Variants in PRKAR1B observed in about 807,000 individuals in gnomAD.
The protein encoded by PRKAR1B is cAMP-dependent protein kinase type I-beta regulatory subunit.
In PRKAR1B, 22 loss-of-function variants were observed where a neutral mutation model predicts 46.5. The ratio of observed to expected loss-of-function variants is 0.47; its 90% CI spans 0.34 to 0.68. The LOEUF (loss-of-function observed/expected upper bound fraction) is 0.68. Ranked by LOEUF, PRKAR1B falls within the 30% of genes least tolerant of loss-of-function variation. The probability of loss-of-function intolerance (pLI) is 0.01; values close to 1 mark genes in which losing one functional copy is unlikely to be tolerated. For synonymous variants in PRKAR1B, 259 were observed against 217.7 expected, an observed-to-expected ratio of 1.19 and a Z score of -1.67; for missense variants, 445 against 535.6, an observed-to-expected ratio of 0.83 and a Z score of 1.67.
At chr7:682,173 A>G (rs1778722934) in intron 2 of PRKAR1B, among the ~76,000 whole-genome samples, 1 of 152,166 alleles carries the variant, frequency 6.6e-6, no homozygotes, top group Non-Finnish European at 1.5e-5. Flanking sequence ...GGTAGCTCAC[A>G]GGGACCACAG....
intron 4 of PRKAR1B, among the ~76,000 whole-genome samples, chr7:655,080 A>G (rs868144195): frequency 6.6e-6 from 1 of 151,966 alleles, no homozygotes; most frequent in Non-Finnish European, 1.5e-5. Flanking sequence ...TAGCAAAACA[A>G]CCTCTTAACT....
At chr7:686,144 C>A (rs1372608326) in intron 2 of PRKAR1B, among the ~76,000 whole-genome samples, 3 of 151,696 alleles carry the variant, frequency 2.0e-5, no homozygotes, top group Non-Finnish European at 4.4e-5. Flanking sequence ...ACTAAAAATA[C>A]AAAAAAATTA....
intron 8 of PRKAR1B, among the ~76,000 whole-genome samples, chr7:581,410 T>G (rs1236846108): frequency 1.3e-5 from 2 of 151,806 alleles, no homozygotes; most frequent in Non-Finnish European, 2.9e-5. Context: ...CACCTGACAA[T>G]TAAATGATGC....
intron 4 of PRKAR1B, among the ~76,000 whole-genome samples, chr7:610,824 G>C (rs563906496): frequency 1.3e-5 from 2 of 152,250 alleles, no homozygotes; most frequent in African/African-American, 4.8e-5. Flanking sequence ...GGAAGGTTAC[G>C]TGAAGCTGCT....
chr7:688,526 C>T (rs1779229538), intron 2 of PRKAR1B, among the ~76,000 whole-genome samples: 1 of 152,304 alleles, frequency 6.6e-6, no homozygotes, highest in South Asian at 2.1e-4. Context: ...CGTGATCTGC[C>T]CTCAGCCCCA....
chr7:680,389 C>T (rs764033795), intron 3 of PRKAR1B, among the ~76,000 whole-genome samples, 167 bp downstream of exon 3: 1 of 152,142 alleles, frequency 6.6e-6, no homozygotes, highest in Admixed American at 6.5e-5. Flanking sequence ...GCAAACCAAG[C>T]CCACCCAGAA....
At chr7:695,188 G>T (rs963512867) in intron 2 of PRKAR1B, among the ~76,000 whole-genome samples, 1 of 152,184 alleles carries the variant, frequency 6.6e-6, no homozygotes, top group Admixed American at 6.5e-5. Context: ...TCTGTGATCG[G>T]CAGGTGCAGG....
intron 4 of PRKAR1B, among the ~76,000 whole-genome samples, chr7:624,708 G>A (rs1173077444): frequency 1.3e-5 from 2 of 152,152 alleles, no homozygotes; most frequent in African/African-American, 4.8e-5. Context: ...TTTAAAAATG[G>A]GTCATAAGGC....
intron 4 of PRKAR1B, among the ~76,000 whole-genome samples, chr7:661,458 C>T (rs1386160282): frequency 3.8e-5 from 4 of 106,284 alleles, no homozygotes; most frequent in Non-Finnish European, 5.7e-5. Flanking sequence ...CTCTCCCCCC[C>T]ATGGCACAGT....
chr7:646,012 G>A (rs1042176194), intron 4 of PRKAR1B, among the ~76,000 whole-genome samples: 8 of 152,142 alleles, frequency 5.3e-5, no homozygotes, highest in African/African-American at 1.4e-4. Context: ...CGGCTCCTTC[G>A]TCACCAACAT....
In PRKAR1B at chr7:680,769, C is replaced by T. The variant is rs773296621; in HGVS notation, c.178-43G>A. 2.5e-6 allele frequency: 4 copies of T among 1,610,866 alleles called. No homozygotes were observed. In the Admixed American group the frequency reaches 5.0e-5, roughly 20 times the overall value. On this transcript the variant is annotated intron_variant, in intron 2 of 10. Transcript: ENST00000537384. The stretch of plus-strand genomic sequence containing the variant: ...ACACAGAAAGGAAGTAAGAACCTGG[C>T]TGTCCCGGCCAGGCACAGGGCCCAT...
rs1483648740 is a variant in PRKAR1B, at chr7:549,784, T to C, written c.*646A>G. The stretch of plus-strand genomic sequence containing the variant: ...TCCCAAGGCAGGAGCCCCGTGTGTC[T>C]TGGCGCCCGGCTTCCTCTCCAATTA... On this transcript the variant is annotated 3_prime_UTR_variant, in exon 11 of 11. Transcript: ENST00000537384. The C allele has an allele frequency of 6.6e-6, 1 of 152,560 alleles. No homozygotes were observed. The highest frequency in any genetic ancestry group is 2.4e-5 in the African/African-American group (1 of 41,426). 9.5% of individuals were successfully genotyped at this position (152,560 alleles called of 1,614,324 possible). A position where few individuals can be genotyped will look rare whatever the true frequency, so the allele number is the denominator to read the frequency against.
intron 4 of PRKAR1B, among the ~76,000 whole-genome samples, chr7:674,420 A>C (rs1010028302): frequency 6.6e-5 from 10 of 151,742 alleles, no homozygotes; most frequent in African/African-American, 2.4e-4. Context: ...ATGTATACCT[A>C]GCTACTCTAG....
At position 602,230 on chromosome 7, in the gene PRKAR1B, G is replaced by A. The variant is rs951776986; in HGVS notation, c.549+3963C>T. On this transcript the variant is annotated intron_variant, in intron 6 of 10. Coordinates refer to ENST00000537384, the MANE Select transcript of PRKAR1B (RefSeq NM_001164760.2). The surrounding 1 kb of genome is among the most constrained non-coding windows in gnomAD (Gnocchi z 6.4). The stretch of plus-strand genomic sequence containing the variant: ...ACGGTCCCTGCTTTGAAGTGGCTCC[G>A]GCACCGGCCTCTCCCACCACCCTGT... Among the ~76,000 whole-genome samples, 10 of 152,222 alleles carry A rather than the reference G, an allele frequency of 6.6e-5. No individual in the cohort carries two copies. Among genetic ancestry groups the A allele is most frequent in the East Asian group, 5.8e-4 (3 of 5,156 alleles).
intron 1 of PRKAR1B, among the ~76,000 whole-genome samples, chr7:721,374 C>T (rs1006519406): frequency 3.3e-5 from 5 of 152,156 alleles, no homozygotes; most frequent in East Asian, 1.9e-4. Context: ...GGGCCGGGCA[C>T]GGTGGCTCAC....
intron 4 of PRKAR1B, among the ~76,000 whole-genome samples, chr7:637,935 G>A (rs1283288329): frequency 2.0e-5 from 3 of 152,234 alleles, no homozygotes; most frequent in Non-Finnish European, 2.9e-5. Context: ...GGGCAGCTCC[G>A]TGTGGACGCC....
chr7:673,634 G>A (rs1786413290), intron 4 of PRKAR1B, among the ~76,000 whole-genome samples: 1 of 149,918 alleles, frequency 6.7e-6, no homozygotes, highest in Non-Finnish European at 1.5e-5. Context: ...GGGCAACAGA[G>A]TGAGACTCCA....
At chr7:576,983 G>T (rs895817719) in intron 9 of PRKAR1B, among the ~76,000 whole-genome samples, 6 of 150,690 alleles carry the variant, frequency 4.0e-5, no homozygotes, top group African/African-American at 1.2e-4. Flanking sequence ...CTCGTCCAAC[G>T]CCATCAGCGG....
rs1178008284 is a variant in PRKAR1B at position 634,181 on chromosome 7, C to A, written c.441-26729G>T. Reference sequence around the variant, plus strand: ...AGGATTACAGGCGCCTGCCACCATGCCCGGCTAATTTTTGTATTTTTAGTA... The same window carrying A: ...AGGATTACAGGCGCCTGCCACCATGACCGGCTAATTTTTGTATTTTTAGTA... On this transcript the variant is annotated intron_variant, in intron 4 of 10. Transcript: ENST00000537384. Among the ~76,000 whole-genome samples the A allele has an allele frequency of 2.0e-5, 3 of 152,102 alleles. No individual in the cohort carries two copies. In the East Asian group the frequency reaches 5.8e-4, roughly 30 times the overall value.
Sources: allele counts gnomAD v4.1 joint callset (sites outside exome capture counted in the v4.1 genomes callset), GRCh38; gene constraint gnomAD v4.1.1; non-coding constraint Gnocchi (gnomAD v3.1); transcripts MANE v1.5; gene names NCBI Gene and HGNC (gene_info 2026-07-23, HGNC 2026-07-21).